MARCHF3: variants seen among roughly 807,000 people sequenced by gnomAD.
The protein encoded by MARCHF3 is membrane associated ring-CH-type finger 3.
Under a neutral mutation model 24.2 loss-of-function variants are expected in MARCHF3, and 13 were observed. The observed-to-expected ratio is 0.54, with a 90% confidence interval of 0.35 to 0.85. MARCHF3 has a LOEUF of 0.85. Among genes scored for constraint, MARCHF3 ranks in the 40% least tolerant of loss-of-function variants. The pLI is 0.01. For missense variants in MARCHF3, 276 were observed against 325.0 expected, an observed-to-expected ratio of 0.85 and a Z score of 1.16; for synonymous variants, 144 against 137.3, an observed-to-expected ratio of 1.05 and a Z score of -0.34.
intron 1 of MARCHF3, among the ~76,000 whole-genome samples, chr5:126,922,709 G>T (rs963055757): frequency 4.6e-5 from 7 of 151,988 alleles, no homozygotes; most frequent in Admixed American, 2.0e-4. Context: ...ACCATGCCTG[G>T]CTAATTTTTT....
intron 3 of MARCHF3, chr5:126,899,128 G>T: frequency 1.0e-6 from 1 of 985,242 alleles, no homozygotes; most frequent in African/African-American, 1.7e-5. Flanking sequence ...ATCTCACAGC[G>T]TTCCTATCTC....
intron 1 of MARCHF3, among the ~76,000 whole-genome samples, chr5:126,955,248 T>A (rs1750401141): frequency 6.6e-6 from 1 of 152,216 alleles, no homozygotes; most frequent in Non-Finnish European, 1.5e-5. Flanking sequence ...TCTAATTTAT[T>A]TTCATCTCTC....
intron 2 of MARCHF3, among the ~76,000 whole-genome samples, chr5:126,916,700 C>G (rs1001175297): frequency 8.5e-6 from 1 of 117,332 alleles, no homozygotes; most frequent in African/African-American, 2.8e-5. Flanking sequence ...CAGACACACA[C>G]ACACACACAC....
chr5:126,934,765 A>G (rs1432241273), intron 1 of MARCHF3, among the ~76,000 whole-genome samples: 1 of 152,200 alleles, frequency 6.6e-6, no homozygotes, highest in Non-Finnish European at 1.5e-5. Context: ...GTGGATACAG[A>G]GCCAAAATAG....
intron 1 of MARCHF3, among the ~76,000 whole-genome samples, chr5:126,974,118 C>T (rs1016967595): frequency 2.0e-5 from 3 of 151,508 alleles, no homozygotes; most frequent in African/African-American, 4.9e-5. Context: ...CAGATGGTCT[C>T]GATCTCCTGA....
At chr5:126,885,649 T>A (rs2126771962) in intron 3 of MARCHF3, among the ~76,000 whole-genome samples, 1 of 152,252 alleles carries the variant, frequency 6.6e-6, no homozygotes, top group Non-Finnish European at 1.5e-5. Context: ...TGCCACTAGG[T>A]CTGACCAGAA....
chr5:126,989,675 T>C (rs1580711933), intron 1 of MARCHF3, among the ~76,000 whole-genome samples: 1 of 152,218 alleles, frequency 6.6e-6, no homozygotes, highest in East Asian at 1.9e-4. Flanking sequence ...TGATGAACCA[T>C]AAATTGTAAC....
intron 1 of MARCHF3, among the ~76,000 whole-genome samples, chr5:126,978,691 G>T (rs765125420): frequency 6.6e-6 from 1 of 152,138 alleles, no homozygotes; most frequent in Admixed American, 6.5e-5. Flanking sequence ...TATGCAACTC[G>T]GCTTTTTGCT....
chr5:126,905,932 G>A (rs963162882), intron 3 of MARCHF3, among the ~76,000 whole-genome samples: 3 of 152,112 alleles, frequency 2.0e-5, no homozygotes, highest in Admixed American at 2.0e-4. Context: ...TGCCCATTCA[G>A]TATGATATTG....
intron 1 of MARCHF3, among the ~76,000 whole-genome samples, chr5:126,978,525 A>C (rs957324321): frequency 1.3e-5 from 2 of 152,226 alleles, no homozygotes; most frequent in Admixed American, 1.3e-4. Flanking sequence ...ACAGGAGAGA[A>C]GATAAGATGT....
intron 1 of MARCHF3, among the ~76,000 whole-genome samples, chr5:126,965,987 G>A (rs898998816): frequency 4.0e-4 from 61 of 152,192 alleles, no homozygotes; most frequent in African/African-American, 1.4e-3. Flanking sequence ...TTGATGTAAT[G>A]AATTACTACT....
intron 3 of MARCHF3, among the ~76,000 whole-genome samples, chr5:126,884,155 G>C (rs868498125): frequency 6.6e-6 from 1 of 152,182 alleles, no homozygotes; most frequent in Non-Finnish European, 1.5e-5. Flanking sequence ...ATGATCAGAA[G>C]GTAAGTGATA....
intron 1 of MARCHF3, among the ~76,000 whole-genome samples, chr5:126,963,233 A>G (rs1199835948): frequency 2.0e-5 from 3 of 152,188 alleles, no homozygotes; most frequent in African/African-American, 7.2e-5. Context: ...TCCTTGGAAG[A>G]TAAGCCATTT....
At chr5:126,909,448 A>G (rs1428216666) in intron 3 of MARCHF3, among the ~76,000 whole-genome samples, 1 of 152,104 alleles carries the variant, frequency 6.6e-6, no homozygotes, top group Non-Finnish European at 1.5e-5. Context: ...TTGATCTCAG[A>G]CTGCTGTGCT....
chr5:126,897,056 T>TTTTTTTTTTTTTTTTTTTTA (rs70997319), intron 3 of MARCHF3, among the ~76,000 whole-genome samples: 1 of 148,948 alleles, frequency 6.7e-6, no homozygotes, highest in African/African-American at 2.5e-5. Context: ...TTTTTTTTTT[T>TTTTTTTTTTTTTTTTTTTTA]GAGATGGAGT....
At chr5:127,029,876 C>G (rs187339956) in intron 1 of MARCHF3, 1 of 152,396 alleles carries the variant, frequency 6.6e-6, no homozygotes, top group African/African-American at 2.4e-5. Flanking sequence ...CTGAAGCCCC[C>G]GCTACAGAAC....
chr5:127,027,326 T>C (rs760211552), intron 1 of MARCHF3, among the ~76,000 whole-genome samples: 3 of 152,124 alleles, frequency 2.0e-5, no homozygotes, highest in South Asian at 2.1e-4. Context: ...ACAAGCAAAA[T>C]AGTCACAGCT....
chr5:126,887,739 T>C (rs573218464), intron 3 of MARCHF3, among the ~76,000 whole-genome samples: 3 of 152,152 alleles, frequency 2.0e-5, no homozygotes, highest in African/African-American at 7.2e-5. Flanking sequence ...CTCAGAGCCT[T>C]ACAGTGGCCG....
chr5:126,915,440 G>T (rs1754693844), intron 2 of MARCHF3, among the ~76,000 whole-genome samples: 1 of 152,258 alleles, frequency 6.6e-6, no homozygotes, highest in Non-Finnish European at 1.5e-5. Context: ...TGTAGTTCAT[G>T]TCAACTACTA....
Sources: allele counts gnomAD v4.1 joint callset (sites outside exome capture counted in the v4.1 genomes callset), GRCh38; gene constraint gnomAD v4.1.1; transcripts MANE v1.5; gene names NCBI Gene and HGNC (gene_info 2026-07-23, HGNC 2026-07-21).